Variants in UST observed in about 807,000 individuals in gnomAD.
UST encodes chondroitin sulfate 2-O-sulfotransferase.
UST carries 21 observed loss-of-function variants against 45.6 expected under a neutral mutation model. The ratio of observed to expected loss-of-function variants is 0.46; its 90% CI spans 0.33 to 0.66. UST has a LOEUF of 0.66. Ranked by LOEUF, UST falls within the 30% of genes least tolerant of loss-of-function variation. The pLI is 0.02. For synonymous variants in UST, 215 were observed against 200.6 expected, an observed-to-expected ratio of 1.07 and a Z score of -0.61; for missense variants, 463 against 512.4, an observed-to-expected ratio of 0.90 and a Z score of 0.93.
At chr6:148,823,709 C>T (rs571983870) in intron 1 of UST, among the ~76,000 whole-genome samples, 7 of 152,200 alleles carry the variant, frequency 4.6e-5, no homozygotes, top group African/African-American at 1.2e-4. Flanking sequence ...GATTAGCCCC[C>T]GTGTCTAGGG....
intron 7 of UST, among the ~76,000 whole-genome samples, chr6:149,030,951 G>A (rs1776130234): frequency 6.6e-6 from 1 of 152,178 alleles, no homozygotes. Flanking sequence ...GCTCATGCCT[G>A]TAATCTCAAC....
At chr6:148,751,285 T>C (rs1168690368) in intron 1 of UST, among the ~76,000 whole-genome samples, 1 of 152,242 alleles carries the variant, frequency 6.6e-6, no homozygotes, top group African/African-American at 2.4e-5. Context: ...TAAAAATGCA[T>C]CTTGTTTGCT....
At chr6:148,895,542 C>G (rs1230229048) in intron 2 of UST, among the ~76,000 whole-genome samples, 3 of 152,188 alleles carry the variant, frequency 2.0e-5, no homozygotes, top group Non-Finnish European at 4.4e-5. Context: ...TGTGTCCCTA[C>G]CAAAATCTCA....
intron 7 of UST, among the ~76,000 whole-genome samples, chr6:149,033,035 C>T (rs1281917329): frequency 5.3e-5 from 8 of 152,146 alleles, no homozygotes; most frequent in Admixed American, 2.6e-4. Flanking sequence ...GATAACGCCA[C>T]AAAGCTGAAA....
chr6:148,918,622 G>T (rs1328928957), intron 2 of UST, among the ~76,000 whole-genome samples: 1 of 152,174 alleles, frequency 6.6e-6, no homozygotes, highest in Admixed American at 6.5e-5. Flanking sequence ...CACAGGAAAT[G>T]TGTGTGGTTG....
rs545120568 is a variant in UST at position 148,973,563 on chromosome 6, G to A, written c.681+9000G>A. Among the ~76,000 whole-genome samples, 4 of 152,332 alleles carry A rather than the reference G, an allele frequency of 2.6e-5. No individual in the cohort carries two copies. The East Asian group carries it at 5.8e-4, about 22-fold the overall frequency. On this transcript the variant is annotated intron_variant, in intron 5 of 7. Coordinates refer to ENST00000367463, the MANE Select transcript of UST (RefSeq NM_005715.3). ...CAGAGGTCTTGCTATTGAAAGAAGC[G>A]ATGGGATGAAGTTTTATATAAAGTA...
intron 4 of UST, among the ~76,000 whole-genome samples, chr6:148,959,336 C>T (rs1278221804): frequency 6.6e-6 from 1 of 152,264 alleles, no homozygotes; most frequent in East Asian, 1.9e-4. Context: ...CAATTCAATT[C>T]TGTGCCCTTC....
At chr6:148,766,004 T>G (rs1206784769) in intron 1 of UST, among the ~76,000 whole-genome samples, 1 of 152,236 alleles carries the variant, frequency 6.6e-6, no homozygotes, top group Non-Finnish European at 1.5e-5. Context: ...ATGGCTTTTA[T>G]TATTTTGAGG....
chr6:148,762,535 CTT>C (rs373630504), intron 1 of UST, among the ~76,000 whole-genome samples: 18 of 133,692 alleles, frequency 1.3e-4, no homozygotes, highest in Non-Finnish European at 1.1e-4. Context: ...AGGCTTCTAT[CTT>C]TTTTTTTTTT....
At chr6:148,883,027 A>T (rs181725853) in intron 1 of UST, among the ~76,000 whole-genome samples, 1 of 152,370 alleles carries the variant, frequency 6.6e-6, no homozygotes, top group East Asian at 1.9e-4. Flanking sequence ...AACTTTTGTC[A>T]TGCGTATCCG....
intron 1 of UST, among the ~76,000 whole-genome samples, chr6:148,879,151 C>T (rs892935127): frequency 5.3e-5 from 8 of 152,142 alleles, no homozygotes; most frequent in Non-Finnish European, 8.8e-5. Flanking sequence ...CCAGCCCACT[C>T]CCAGGCAACC....
chr6:149,037,129 C>T (rs1429757992), intron 7 of UST, among the ~76,000 whole-genome samples: 1 of 152,076 alleles, frequency 6.6e-6, no homozygotes, highest in Non-Finnish European at 1.5e-5. Flanking sequence ...TGAGCACAGC[C>T]AGTCTGCTCA....
intron 2 of UST, among the ~76,000 whole-genome samples, 169 bp downstream of exon 2, chr6:148,887,198 G>C (rs1386381869): frequency 6.6e-6 from 1 of 152,276 alleles, no homozygotes; most frequent in African/African-American, 2.4e-5. Context: ...AAAGCATGAT[G>C]ATAGCCCAGA....
chr6:148,959,168 G>A (rs929275960), intron 4 of UST: 1 of 152,226 alleles, frequency 6.6e-6, no homozygotes, highest in African/African-American at 2.4e-5. Flanking sequence ...AATTACTGAT[G>A]TGAACAGTGT....
At chr6:148,981,035 C>T (rs773545711) in intron 5 of UST, among the ~76,000 whole-genome samples, 28 of 152,062 alleles carry the variant, frequency 1.8e-4, no homozygotes, top group Non-Finnish European at 3.1e-4. Context: ...GGAAAGACCA[C>T]CTTTGTCTTT....
chr6:148,844,774 C>T (rs1213924210), intron 1 of UST, among the ~76,000 whole-genome samples: 1 of 152,148 alleles, frequency 6.6e-6, no homozygotes, highest in Non-Finnish European at 1.5e-5. Context: ...TTGCAACCCA[C>T]GCTCCTGTCA....
chr6:148,984,471 C>T (rs1463096538), intron 5 of UST, among the ~76,000 whole-genome samples: 1 of 152,200 alleles, frequency 6.6e-6, no homozygotes, highest in Non-Finnish European at 1.5e-5. Flanking sequence ...AAGCTTTATG[C>T]TAAAGACAAT....
chr6:148,951,913 C>CT (rs1226303694), intron 3 of UST, among the ~76,000 whole-genome samples: 1 of 152,200 alleles, frequency 6.6e-6, no homozygotes, highest in Non-Finnish European at 1.5e-5. Context: ...TTCTCAAAAT[C>CT]TAACTACTAC....
At chr6:149,022,311 G>A (rs1775991941) in intron 7 of UST, among the ~76,000 whole-genome samples, 1 of 152,164 alleles carries the variant, frequency 6.6e-6, no homozygotes, top group Non-Finnish European at 1.5e-5. Flanking sequence ...GAAATAAGCA[G>A]CAGATAGGCC....
Sources: gnomAD v4.1 joint callset for allele counts (sites outside exome capture counted in the v4.1 genomes callset) on GRCh38, gnomAD v4.1.1 for gene constraint, MANE v1.5 for transcripts, NCBI Gene and HGNC (gene_info 2026-07-23, HGNC 2026-07-21) for gene names.